The following RNF19B variants were observed in gnomAD, a reference collection of about 807,000 sequenced individuals.
RNF19B encodes E3 ubiquitin-protein ligase RNF19B.
RNF19B carries 23 observed loss-of-function variants against 65.5 expected under a neutral mutation model. The ratio of observed to expected loss-of-function variants is 0.35; its 90% CI spans 0.25 to 0.50. The LOEUF (loss-of-function observed/expected upper bound fraction) is 0.50. Ranked by LOEUF, RNF19B falls within the 20% of genes least tolerant of loss-of-function variation. The pLI is 0.98. For synonymous variants in RNF19B, 372 were observed against 379.6 expected, an observed-to-expected ratio of 0.98 and a Z score of 0.23; for missense variants, 794 against 980.0, an observed-to-expected ratio of 0.81 and a Z score of 2.53.
downstream of RNF19B, among the ~76,000 whole-genome samples, chr1:32,934,260 A>G (rs766932602): frequency 4.6e-5 from 7 of 152,262 alleles, no homozygotes; most frequent in Non-Finnish European, 8.8e-5. Context: ...AACACTGGCC[A>G]GGAAGACAAA....
In RNF19B at chr1:32,949,566, T is replaced by C; in HGVS notation, c.841+3A>G. On this transcript the variant is annotated splice_donor_region_variant and intron_variant, in intron 2 of 8. Coordinates refer to ENST00000235150, the MANE Select transcript of RNF19B (RefSeq NM_001300826.2). ...GAGACAATGAGATAATGCCAACTTA[T>C]ACCTGGTCCAGATTCTTGCCCATAA... The C allele has an allele frequency of 6.2e-7, 1 of 1,613,654 alleles. No homozygotes were observed. The highest frequency in any genetic ancestry group is 8.5e-7 in the Non-Finnish European group (1 of 1,179,638).
rs774304731 is a variant in RNF19B at position 32,937,210 on chromosome 1, G to A, written c.1792C>T (p.His598Tyr). The A allele has an allele frequency of 5.4e-5, 87 of 1,613,916 alleles. No individual in the cohort carries two copies. Among genetic ancestry groups the A allele is most frequent in the Non-Finnish European group, 7.4e-5 (87 of 1,180,018 alleles). Residue 598 changes from histidine (H) to tyrosine (Y), a missense_variant, in exon 9 of 9, where the codon CAC becomes TAC. This residue lies in a region of RNF19B where 368 missense variants were observed against 447.3 expected (regional missense o/e 0.82). Transcript: ENST00000235150. ...CTGCTTCCACTCACCAGCTGATAGT[G>A]GCTTGGTTTGGCTTCAATGTCCACT... is the stretch of plus-strand genomic sequence containing the variant. ...IQVDIEAKPS[H>Y]YQLVSGSSTE... is the part of the protein sequence containing the mutation.
Position 32,949,835 on chromosome 1 carries a change from T to C in RNF19B, c.636-61A>G, listed in dbSNP as rs184962072. ...AAGAATGATCTAACCAAAAGAGACA[T>C]TATTCATCAGAGTTAACAATGTTTG... On this transcript the variant is annotated intron_variant, in intron 1 of 8. Coordinates refer to ENST00000235150, the MANE Select transcript of RNF19B (RefSeq NM_001300826.2). The C allele has an allele frequency of 2.3e-6, 3 of 1,329,214 alleles. No homozygotes were observed. The African/African-American group carries it at 4.3e-5, about 19-fold the overall frequency. The allele number at this position is 1,329,214 out of a possible 1,614,324, so 82.3% of individuals were successfully genotyped here.
chr1:32,963,175 G>GT (rs1642812047), intron 1 of RNF19B, among the ~76,000 whole-genome samples: 1 of 152,066 alleles, frequency 6.6e-6, no homozygotes, highest in South Asian at 2.1e-4. Context: ...AGGCAGCAAG[G>GT]TAAGAACGAC....
intron 7 of RNF19B, 54 bp from the exon 8 acceptor site, chr1:32,938,582 G>T: frequency 6.4e-7 from 1 of 1,568,566 alleles, no homozygotes; most frequent in Non-Finnish European, 8.7e-7. Flanking sequence ...TTCCAAGACA[G>T]TCTGCTTCCT....
At chr1:32,953,085 C>T (rs1642549055) in intron 1 of RNF19B, among the ~76,000 whole-genome samples, 1 of 151,178 alleles carries the variant, frequency 6.6e-6, no homozygotes, top group Non-Finnish European at 1.5e-5. Flanking sequence ...CACCTCAGGC[C>T]TCCAAGTACC....
intron 7 of RNF19B, 36 bp from the exon 8 acceptor site, chr1:32,938,564 C>T: frequency 6.2e-7 from 1 of 1,603,366 alleles, no homozygotes; most frequent in Admixed American, 1.7e-5. Context: ...TAATATGAGA[C>T]CTGGGTATTC....
In RNF19B at chr1:32,949,709, T is replaced by C; in HGVS notation, c.701A>G (p.Gln234Arg). The C allele has an allele frequency of 6.2e-7, 1 of 1,613,946 alleles. No homozygotes were observed. The highest frequency in any genetic ancestry group is 8.5e-7 in the Non-Finnish European group (1 of 1,180,016). Residue 234 changes from glutamine to arginine, a missense_variant, in exon 2 of 9, where the codon CAG becomes CGG. This residue lies in a region of RNF19B where 374 missense variants were observed against 423.8 expected (regional missense o/e 0.88). Transcript: ENST00000235150. ...PKLTCEREGC[Q>R]TEFCYHCKQI... ...CTTGCAGTGGTAGCAGAACTCAGTC[T>C]GGCAACCTTCCCTCTCACAAGTTAG...
Position 32,964,257 on chromosome 1 carries a change from C to G in RNF19B, c.429G>C (p.Arg143=), listed in dbSNP as rs2124201688. ...RLLSCPHRSC[R]DCLRHYLRLE... is the part of the protein sequence containing the mutation. ...GGCGCAGGTAGTGGCGGAGGCAGTC[C>G]CGGCACGAGCGGTGCGGACAGCTGA... The change falls in exon 1 of 9, where the codon CGG becomes CGC. Residue 143 remains arginine, a synonymous_variant. Transcript: ENST00000235150. This position sits in a 1 kb window ranked among gnomAD's most constrained non-coding sequence, Gnocchi z 6.5. The G allele has an allele frequency of 6.5e-7, 1 of 1,542,216 alleles. No individual in the cohort carries two copies. The highest frequency in any genetic ancestry group is 8.7e-7 in the Non-Finnish European group (1 of 1,144,714).
chr1:32,933,219 G>C (rs1642048516), downstream of RNF19B, among the ~76,000 whole-genome samples: 1 of 152,076 alleles, frequency 6.6e-6, no homozygotes, highest in Non-Finnish European at 1.5e-5. Flanking sequence ...GTATGAAGAG[G>C]AAATTAAACT....
Position 32,951,958 on chromosome 1 carries a change from C to CT in RNF19B, c.636-2185dup, listed in dbSNP as rs34442939. ...TACAGGCGCCCGCCACCACGCCCGG[C>CT]TTTTTTTTTTTTTTTTTTTTAGTAG... On this transcript the variant is annotated intron_variant, in intron 1 of 8. Coordinates refer to ENST00000235150, the MANE Select transcript of RNF19B (RefSeq NM_001300826.2). 9.0e-3 allele frequency among the ~76,000 whole-genome samples: 1,106 copies of CT among 123,168 alleles called. 6 individuals are homozygous for CT. Among genetic ancestry groups the CT allele is most frequent in the East Asian group, 9.9e-3 (42 of 4,240 alleles). The allele number at this position is 123,168 out of a possible 152,430, so 80.8% of individuals were successfully genotyped here. A position where few individuals can be genotyped will look rare whatever the true frequency, so the allele number is the denominator to read the frequency against.
downstream of RNF19B, among the ~76,000 whole-genome samples, chr1:32,932,368 A>G (rs1642037869): frequency 6.6e-6 from 1 of 152,210 alleles, no homozygotes; most frequent in Non-Finnish European, 1.5e-5. Context: ...AGGTCTCTAC[A>G]TCTTGCAGGA....
At chr1:32,941,318 G>A (rs1456158389) in intron 7 of RNF19B, among the ~76,000 whole-genome samples, 2 of 152,180 alleles carry the variant, frequency 1.3e-5, no homozygotes, top group African/African-American at 4.8e-5. Context: ...GCTGAGGCGG[G>A]TGGATCACAA....
At chr1:32,938,114 T>C (rs1642145933) in intron 8 of RNF19B, among the ~76,000 whole-genome samples, 1 of 110,286 alleles carries the variant, frequency 9.1e-6, no homozygotes, top group African/African-American at 3.7e-5. Flanking sequence ...CATGTAATTA[T>C]ACACTGTTGC....
intron 6 of RNF19B, among the ~76,000 whole-genome samples, chr1:32,943,129 A>G (rs1181233180): frequency 1.4e-5 from 2 of 147,772 alleles, no homozygotes; most frequent in African/African-American, 2.5e-5. Context: ...CAACAGAGCA[A>G]GACTCCGTCT....
chr1:32,949,827 A>G lies in RNF19B; in HGVS notation c.636-53T>C, dbSNP rs879546362. On this transcript the variant is annotated intron_variant, in intron 1 of 8. Transcript: ENST00000235150. ...AGTAAGGTAAGAATGATCTAACCAAAAGAGACATTATTCATCAGAGTTAAC... is the reference window on the plus strand; with the variant it reads ...AGTAAGGTAAGAATGATCTAACCAAGAGAGACATTATTCATCAGAGTTAAC... 3.6e-6 allele frequency: 5 copies of G among 1,377,910 alleles called. No homozygotes were observed. In the Admixed American group the frequency reaches 6.9e-5, roughly 19 times the overall value. The allele number at this position is 1,377,910 out of a possible 1,614,324, so 85.4% of individuals were successfully genotyped here. A position where few individuals can be genotyped will look rare whatever the true frequency, so the allele number is the denominator to read the frequency against.
intron 1 of RNF19B, among the ~76,000 whole-genome samples, chr1:32,953,833 C>T (rs1642568249): frequency 6.6e-6 from 1 of 151,078 alleles, no homozygotes; most frequent in Non-Finnish European, 1.5e-5. Context: ...GCCTTGAACA[C>T]TTCATCATCC....
chr1:32,964,608 G>A lies in RNF19B; in HGVS notation c.78C>T (p.Ser26=). ...HAAAPDPKCR[S]GGRRRRLTLH... ...AGGTGAGGCGCCGGCGCCGGCCGCC[G>A]CTGCGGCACTTAGGGTCGGGTGCGG... The change falls in exon 1 of 9, where the codon AGC becomes AGT. Residue 26 remains serine, a synonymous_variant. Transcript: ENST00000235150. The surrounding 1 kb of genome is among the most constrained non-coding windows in gnomAD (Gnocchi z 6.5). The A allele has an allele frequency of 6.9e-7, 1 of 1,459,578 alleles. No homozygotes were observed. The allele number at this position is 1,459,578 out of a possible 1,614,324, so 90.4% of individuals were successfully genotyped here.
At chr1:32,958,652 C>G (rs1642698855) in intron 1 of RNF19B, among the ~76,000 whole-genome samples, 1 of 151,378 alleles carries the variant, frequency 6.6e-6, no homozygotes, top group East Asian at 1.9e-4. Flanking sequence ...GGAGGTGGAG[C>G]TTGCAGTGAG....
Sources: gnomAD v4.1 joint callset for allele counts (sites outside exome capture counted in the v4.1 genomes callset) on GRCh38, gnomAD v4.1.1 for gene constraint, gnomAD v4.1.1 regional missense constraint, Gnocchi (gnomAD v3.1) non-coding constraint, MANE v1.5 for transcripts, NCBI Gene and HGNC (gene_info 2026-07-23, HGNC 2026-07-21) for gene names.